The following ZNF37A variants were observed in gnomAD, a reference collection of about 807,000 sequenced individuals.
ZNF37A encodes the protein zinc finger protein 37a (KOX 21).
In ZNF37A, 10 loss-of-function variants were observed where a neutral mutation model predicts 12.3. The observed-to-expected ratio is 0.82, with a 90% confidence interval of 0.50 to 1.38. The LOEUF (loss-of-function observed/expected upper bound fraction) is 1.38. Among genes scored for constraint, ZNF37A ranks in the 40% most tolerant of loss-of-function variants. The pLI is 0.00. For missense variants in ZNF37A, 580 were observed against 651.2 expected (o/e 0.89, Z 1.19); for synonymous variants, 207 against 223.0 (o/e 0.93, Z 0.64).
rs1437537004 is a variant in ZNF37A at position 38,094,466 on chromosome 10, G to C, written c.-516G>C. 1 of 152,196 alleles carries C rather than the reference G, an allele frequency of 6.6e-6. No individual in the cohort carries two copies. 9.4% of individuals were successfully genotyped at this position (152,196 alleles called of 1,614,324 possible). ...ACGGGGAGGGCTCCCGGCATCTCCT[G>C]GCGTCCGGGTAGAGGACGCGGAGGG... On this transcript the variant is annotated 5_prime_UTR_variant, in exon 1 of 8. Transcript: ENST00000685332.
chr10:38,098,064 A>G (rs1046797154), intron 5 of ZNF37A, among the ~76,000 whole-genome samples: 2 of 152,220 alleles, frequency 1.3e-5, no homozygotes, highest in African/African-American at 2.4e-5. Context: ...ATGGAATCAT[A>G]CAATTTGTAG....
At position 38,119,231 on chromosome 10, in the gene ZNF37A, A is replaced by G; in HGVS notation, c.*394A>G. 3.9e-6 allele frequency: 4 copies of G among 1,038,958 alleles called. No individual in the cohort carries two copies. The highest frequency in any genetic ancestry group is 4.7e-6 in the Non-Finnish European group (4 of 852,308). The allele number at this position is 1,038,958 out of a possible 1,614,324, so 64.4% of individuals were successfully genotyped here. On this transcript the variant is annotated 3_prime_UTR_variant, in exon 8 of 8. Transcript: ENST00000685332. Reference sequence around the variant, plus strand: ...CACTTGGAGAAACCTTTTGGGTGTAATGAATGTGGGAAAACCTTTCATCAG... The same window carrying G: ...CACTTGGAGAAACCTTTTGGGTGTAGTGAATGTGGGAAAACCTTTCATCAG...
At chr10:38,149,630 A>G (rs117736945) in exon 8 of ZNF37A, 6,188 of 141,002 alleles carry the variant, frequency 0.044, 184 homozygotes, top group Non-Finnish European at 0.061. Context: ...GCCAGAGAGC[A>G]GTGGCATGAT....
chr10:38,118,069 G>T lies in ZNF37A; in HGVS notation c.918G>T (p.Lys306Asn), dbSNP rs753206413. ...CCTATGAATGTCATGAATGTGGGAA[G>T]ACCTTCTATAAGAATTCAGACCTCA... ...GKPYECHECG[K>N]TFYKNSDLIK... Residue 306 changes from lysine to asparagine, a missense_variant, in exon 8 of 8, where the codon AAG becomes AAT. Coordinates refer to ENST00000685332, the MANE Select transcript of ZNF37A (RefSeq NM_001324250.3). 2.5e-6 allele frequency: 4 copies of T among 1,613,156 alleles called. No individual in the cohort carries two copies. In the South Asian group the frequency reaches 4.4e-5, roughly 18 times the overall value.
intron 7 of ZNF37A, among the ~76,000 whole-genome samples, chr10:38,135,749 A>G (rs1209023856): frequency 6.6e-6 from 1 of 152,178 alleles, no homozygotes; most frequent in Non-Finnish European, 1.5e-5. Flanking sequence ...CAGGGGAGAG[A>G]ATGACATCCA....
At chr10:38,131,061 G>T (rs1564385762) in intron 7 of ZNF37A, among the ~76,000 whole-genome samples, 1 of 145,800 alleles carries the variant, frequency 6.9e-6, no homozygotes, top group Non-Finnish European at 1.5e-5. Flanking sequence ...TTATCTCTTT[G>T]ATTGTGGTGG....
chr10:38,114,668 A>C, intron 5 of ZNF37A, 87 bp from the exon 6 acceptor site: 1 of 1,558,698 alleles, frequency 6.4e-7, no homozygotes, highest in Non-Finnish European at 8.8e-7. Context: ...TTCAACAATA[A>C]AAATGGTAAG....
At chr10:38,137,745 A>G (rs960680661) in intron 7 of ZNF37A, 1 of 152,228 alleles carries the variant, frequency 6.6e-6, no homozygotes, top group Non-Finnish European at 1.5e-5. Context: ...AAAGATTACC[A>G]TAATGTACCA....
chr10:38,148,841 T>G (rs2070289008), exon 8 of ZNF37A: 1 of 115,724 alleles, frequency 8.6e-6, no homozygotes, highest in Admixed American at 9.2e-5. Context: ...GCTTTAATAT[T>G]CTTTTTTTTT....
chr10:38,112,948 C>T (rs2068940515), intron 5 of ZNF37A, among the ~76,000 whole-genome samples: 1 of 151,918 alleles, frequency 6.6e-6, no homozygotes, highest in Non-Finnish European at 1.5e-5. Context: ...GCTGGGATTA[C>T]AGGTGCCTGC....
At chr10:38,143,400 T>A (rs963920302) in intron 7 of ZNF37A, 4 of 152,154 alleles carry the variant, frequency 2.6e-5, no homozygotes, top group Non-Finnish European at 5.9e-5. Flanking sequence ...GCATGCTACA[T>A]ATTGAGATCA....
intron 6 of ZNF37A, 152 bp downstream of exon 6, chr10:38,115,033 G>A (rs1287226617): frequency 7.9e-7 from 1 of 1,273,464 alleles, no homozygotes; most frequent in Non-Finnish European, 1.1e-6. Context: ...CAGAAAGAAT[G>A]TTTTCCTCTG....
rs1245509659 is a variant in ZNF37A, at chr10:38,108,086, T to C, written c.16-6669T>C. The stretch of plus-strand genomic sequence containing the variant: ...GCACCACATCACATTTATTCTAAAA[T>C]TGACCACATAATTGGAAGTAAAACA... On this transcript the variant is annotated intron_variant, in intron 5 of 7. Transcript: ENST00000685332. Among the ~76,000 whole-genome samples, 7 of 152,244 alleles carry C rather than the reference T, an allele frequency of 4.6e-5. No individual in the cohort carries two copies. In the East Asian group the frequency reaches 9.6e-4, roughly 21 times the overall value.
exon 8 of ZNF37A, chr10:38,147,679 CAG>C (rs1471399269): frequency 6.6e-6 from 1 of 152,130 alleles, no homozygotes; most frequent in Non-Finnish European, 1.5e-5. Flanking sequence ...CAATGAAAAA[CAG>C]AGCTTGCTTT....
intron 5 of ZNF37A, among the ~76,000 whole-genome samples, chr10:38,109,377 C>T (rs1262483601): frequency 1.3e-5 from 2 of 152,108 alleles, no homozygotes; most frequent in African/African-American, 4.8e-5. Context: ...AACCCACAGC[C>T]AATATAATAC....
chr10:38,106,270 A>G (rs1276774082), intron 5 of ZNF37A, among the ~76,000 whole-genome samples: 16 of 152,238 alleles, frequency 1.1e-4, no homozygotes, highest in Non-Finnish European at 2.1e-4. Flanking sequence ...ATTAGAAGGA[A>G]AACTAACAAA....
chr10:38,109,093 T>C (rs2068401739), intron 5 of ZNF37A, among the ~76,000 whole-genome samples: 1 of 152,174 alleles, frequency 6.6e-6, no homozygotes. Context: ...AATACAATAC[T>C]GGCAAACCGA....
chr10:38,115,286 T>G lies in ZNF37A; in HGVS notation c.234T>G (p.His78Gln). ...AGGAAAAATTTCCAAGCCAGAGTCA[T>G]CTGGGTGAGTTAGTATGTGCCAGAT... ...ILEEKFPSQS[H>Q]LELINTSRNY... Residue 78 changes from histidine to glutamine, a missense_variant, in exon 7 of 8, where the codon CAT becomes CAG. Coordinates refer to ENST00000685332, the MANE Select transcript of ZNF37A (RefSeq NM_001324250.3). The G allele has an allele frequency of 6.2e-7, 1 of 1,613,350 alleles. No homozygotes were observed.
intron 5 of ZNF37A, among the ~76,000 whole-genome samples, chr10:38,106,554 C>CCTCCAAGT (rs1344609906): frequency 2.0e-5 from 3 of 152,044 alleles, no homozygotes; most frequent in Non-Finnish European, 4.4e-5. Context: ...ATAACTAACT[C>CCTCCAAGT]CTCCAAGTTA....
Sources: allele counts gnomAD v4.1 joint callset (sites outside exome capture counted in the v4.1 genomes callset), GRCh38; gene constraint gnomAD v4.1.1; transcripts MANE v1.5; gene names NCBI Gene and HGNC (gene_info 2026-07-23, HGNC 2026-07-21).